Variants in CMTM8 observed in about 807,000 individuals in gnomAD.
CMTM8 encodes the protein CKLF like MARVEL transmembrane domain containing 8, also known as CKLF-like MARVEL transmembrane domain-containing protein 8.
A neutral mutation model predicts 18.6 loss-of-function variants in CMTM8; 12 were observed. That is an observed-to-expected ratio of 0.65 (90% CI 0.41 to 1.05). The LOEUF (loss-of-function observed/expected upper bound fraction) is 1.05, where lower values mean the gene tolerates loss of function less well. CMTM8 is among the 50% of genes least tolerant of loss of function. The probability of loss-of-function intolerance (pLI) is 0.00; values close to 1 mark genes in which losing one functional copy is unlikely to be tolerated. For synonymous variants in CMTM8, 87 were observed against 90.6 expected (o/e 0.96, Z 0.23); for missense variants, 217 against 227.2 (o/e 0.95, Z 0.29).
intron 2 of CMTM8, among the ~76,000 whole-genome samples, chr3:32,361,466 C>T (rs1225114550): frequency 1.3e-5 from 2 of 152,062 alleles, no homozygotes; most frequent in African/African-American, 4.8e-5. Context: ...ACCATGTCAG[C>T]TCAGGTCAGC....
intron 1 of CMTM8, among the ~76,000 whole-genome samples, chr3:32,269,581 A>G (rs1196929224): frequency 1.3e-5 from 2 of 151,314 alleles, no homozygotes; most frequent in African/African-American, 4.8e-5. Flanking sequence ...CTGTGGAACA[A>G]GAACTCAGGT....
intron 1 of CMTM8, among the ~76,000 whole-genome samples, chr3:32,292,361 G>T (rs1041245409): frequency 6.6e-6 from 1 of 152,142 alleles, no homozygotes; most frequent in Admixed American, 6.5e-5. Flanking sequence ...AGGACACTTT[G>T]TGAGTTTCTG....
At chr3:32,315,310 A>AT (rs1294639249) in intron 1 of CMTM8, among the ~76,000 whole-genome samples, 4 of 151,682 alleles carry the variant, frequency 2.6e-5, no homozygotes, top group Non-Finnish European at 2.9e-5. Flanking sequence ...TTGTATTTTT[A>AT]TTAGAGGCGA....
chr3:32,369,776 G>A (rs1695613041), intron 3 of CMTM8, 108 bp from the exon 4 acceptor site: 1 of 602,066 alleles, frequency 1.7e-6, no homozygotes, highest in East Asian at 2.7e-5. Flanking sequence ...GCAAAGCCTG[G>A]TATCAAGAAA....
chr3:32,260,019 A>G (rs1420585369), intron 1 of CMTM8: 2 of 1,119,282 alleles, frequency 1.8e-6, no homozygotes, highest in Admixed American at 3.8e-5. Flanking sequence ...CACCAGGCCC[A>G]GGAGTACAAG....
In CMTM8 at chr3:32,253,409, A is replaced by T. The variant is rs544315712; in HGVS notation, c.147+14290A>T. On this transcript the variant is annotated intron_variant, in intron 1 of 3. Transcript: ENST00000307526. ...CCCAGGCTGGAGTGCAGTTGGCGCA[A>T]TCTTGGCCCACTGCAACCTTTGCCT... Among the ~76,000 whole-genome samples, 50 of 149,752 alleles carry T rather than the reference A, an allele frequency of 3.3e-4. 1 individual carries two copies. The highest frequency in any genetic ancestry group is 6.7e-4 in the Non-Finnish European group (45 of 67,614).
intron 1 of CMTM8, among the ~76,000 whole-genome samples, chr3:32,250,949 A>C (rs1702103729): frequency 6.6e-6 from 1 of 152,128 alleles, no homozygotes; most frequent in South Asian, 2.1e-4. Flanking sequence ...GACCTAATTT[A>C]CTAGTTCTAA....
chr3:32,270,527 A>C (rs1285866689), intron 1 of CMTM8, among the ~76,000 whole-genome samples: 1 of 152,238 alleles, frequency 6.6e-6, no homozygotes, highest in Non-Finnish European at 1.5e-5. Context: ...ACACCGTGGA[A>C]TACTATGCAG....
At chr3:32,342,787 C>A (rs1438467008) in intron 1 of CMTM8, among the ~76,000 whole-genome samples, 1 of 152,208 alleles carries the variant, frequency 6.6e-6, no homozygotes, top group Non-Finnish European at 1.5e-5. Flanking sequence ...CCATTGTAAA[C>A]CCTGGCAATA....
chr3:32,295,768 A>G (rs1302523538), intron 1 of CMTM8, among the ~76,000 whole-genome samples: 1 of 152,052 alleles, frequency 6.6e-6, no homozygotes, highest in Non-Finnish European at 1.5e-5. Context: ...CCTCCGGGCT[A>G]TGGTTCAGAC....
intron 1 of CMTM8, among the ~76,000 whole-genome samples, chr3:32,319,028 TATTAA>T (rs1695983296): frequency 7.1e-6 from 1 of 140,970 alleles, no homozygotes; most frequent in Non-Finnish European, 1.5e-5. Flanking sequence ...TTTTTGAAAA[TATTAA>T]ATTTATATAT....
chr3:32,271,046 A>G (rs1702432123), intron 1 of CMTM8, among the ~76,000 whole-genome samples: 1 of 152,192 alleles, frequency 6.6e-6, no homozygotes, highest in Admixed American at 6.5e-5. Context: ...AAAAAAAGTA[A>G]AAAAGAAATA....
chr3:32,251,470 C>T (rs1405325614), intron 1 of CMTM8, among the ~76,000 whole-genome samples: 2 of 139,446 alleles, frequency 1.4e-5, no homozygotes, highest in East Asian at 2.2e-4. Context: ...CATGCCACCA[C>T]ACCCCGCTAA....
chr3:32,343,443 T>A (rs1168584049), intron 1 of CMTM8, among the ~76,000 whole-genome samples: 1 of 152,230 alleles, frequency 6.6e-6, no homozygotes, highest in East Asian at 1.9e-4. Flanking sequence ...TGTCACCAGC[T>A]GGGGTGTCTG....
intron 1 of CMTM8, among the ~76,000 whole-genome samples, chr3:32,337,453 G>GGGCT (rs1429905466): frequency 6.6e-6 from 1 of 152,110 alleles, no homozygotes; most frequent in Non-Finnish European, 1.5e-5. Context: ...TGTTTGGCTG[G>GGGCT]GGCTGGCTGC....
chr3:32,328,486 GCTGCAGTGAGCTCTGATCGTGCCA>G (rs1696209651), intron 1 of CMTM8, among the ~76,000 whole-genome samples: 1 of 55,972 alleles, frequency 1.8e-5, no homozygotes, highest in Non-Finnish European at 4.9e-5. Flanking sequence ...TGATCGTGCC[GCTGCAGTGAGCTCTGATCGTGCCA>G]CTGCACTCCA....
intron 1 of CMTM8, among the ~76,000 whole-genome samples, chr3:32,257,140 C>G (rs1702184573): frequency 6.6e-6 from 1 of 152,178 alleles, no homozygotes; most frequent in African/African-American, 2.4e-5. Flanking sequence ...CTATGCCCGG[C>G]TAATTTGTGT....
At chr3:32,285,444 G>A (rs1010198861) in intron 1 of CMTM8, among the ~76,000 whole-genome samples, 8 of 151,720 alleles carry the variant, frequency 5.3e-5, no homozygotes, top group Admixed American at 2.0e-4. Context: ...GAACCTGGAA[G>A]GCAGGTTGTG....
chr3:32,304,627 C>T (rs1476070770), intron 1 of CMTM8, among the ~76,000 whole-genome samples: 1 of 152,198 alleles, frequency 6.6e-6, no homozygotes, highest in East Asian at 1.9e-4. Flanking sequence ...AGTTAGTAGC[C>T]TGCAATGATT....
Sources: allele counts gnomAD v4.1 joint callset (sites outside exome capture counted in the v4.1 genomes callset), GRCh38; gene constraint gnomAD v4.1.1; transcripts MANE v1.5; gene names NCBI Gene and HGNC (gene_info 2026-07-23, HGNC 2026-07-21).